The following TEX9 variants were observed in gnomAD, a reference collection of about 807,000 sequenced individuals.
TEX9 encodes the protein testis-expressed protein 9.
In TEX9, 74 loss-of-function variants were observed where a neutral mutation model predicts 59.6. The observed-to-expected ratio is 1.24, with a 90% confidence interval of 1.03 to 1.51. The LOEUF is 1.51. Ranked by LOEUF, TEX9 falls within the 40% of genes most tolerant of loss-of-function variation. The probability of loss-of-function intolerance (pLI) is 0.00; values close to 1 mark genes in which losing one functional copy is unlikely to be tolerated. For synonymous variants in TEX9, 186 were observed against 152.2 expected (o/e 1.22, Z -1.64); for missense variants, 522 against 447.8 (o/e 1.17, Z -1.49).
intron 1 of TEX9, among the ~76,000 whole-genome samples, chr15:56,278,311 G>A (rs1272470886): frequency 2.6e-5 from 4 of 152,208 alleles, no homozygotes; most frequent in South Asian, 2.1e-4. Context: ...AGGAGATGAT[G>A]TATATTCCAC....
chr15:56,279,880 T>C (rs1317029799), intron 1 of TEX9, among the ~76,000 whole-genome samples: 1 of 152,196 alleles, frequency 6.6e-6, no homozygotes, highest in Non-Finnish European at 1.5e-5. Context: ...CAACTTACAA[T>C]GCTTTGACTT....
chr15:56,455,247 G>A, the TEX9 span, among the ~76,000 whole-genome samples: 1 of 82,894 alleles, frequency 1.2e-5, no homozygotes, highest in African/African-American at 4.8e-5. Flanking sequence ...ATCGTCAGGT[G>A]AAAAAAAAAA....
chr15:56,364,518 A>C (rs1288023048), upstream of TEX9, among the ~76,000 whole-genome samples: 1 of 151,494 alleles, frequency 6.6e-6, no homozygotes, highest in Non-Finnish European at 1.5e-5. Context: ...GAATCCATCA[A>C]GGATTCTCAG....
intron 9 of TEX9, among the ~76,000 whole-genome samples, chr15:56,401,308 C>CAAAAAAAAAAAAAAAAAAAAAAAAAA (rs1207055803): frequency 2.1e-5 from 1 of 46,772 alleles, no homozygotes; most frequent in East Asian, 1.1e-3. Context: ...AAATTGAAAG[C>CAAAAAAAAAAAAAAAAAAAAAAAAAA]AAAAAAAAAA....
At chr15:56,444,682 A>G in intron 12 of TEX9, 2 of 1,602,996 alleles carry the variant, frequency 1.2e-6, no homozygotes, top group South Asian at 2.2e-5. Context: ...TTCTGTTATT[A>G]AAACAAAATT....
intron 1 of TEX9, among the ~76,000 whole-genome samples, chr15:56,250,500 G>A (rs1320253255): frequency 2.6e-5 from 4 of 152,208 alleles, no homozygotes; most frequent in African/African-American, 9.7e-5. Flanking sequence ...AACAGCTGAT[G>A]ATAAAGGTTA....
chr15:56,358,841 T>A (rs1174797144), intron 1 of TEX9, among the ~76,000 whole-genome samples: 2 of 152,076 alleles, frequency 1.3e-5, no homozygotes, highest in African/African-American at 4.8e-5. Flanking sequence ...TCTCATGAGA[T>A]CTGATGGTTT....
intron 1 of TEX9, among the ~76,000 whole-genome samples, chr15:56,320,403 A>G (rs1219561342): frequency 6.6e-6 from 1 of 152,158 alleles, no homozygotes; most frequent in Non-Finnish European, 1.5e-5. Context: ...GTTTCTGGTA[A>G]GGGCTCTCTT....
chr15:56,265,170 T>C (rs1408980880), intron 1 of TEX9, among the ~76,000 whole-genome samples: 2 of 151,152 alleles, frequency 1.3e-5, no homozygotes, highest in Non-Finnish European at 3.0e-5. Context: ...TTTCTTTTTT[T>C]TTTTTTTTTA....
At chr15:56,308,847 C>G (rs1344965700) in intron 1 of TEX9, among the ~76,000 whole-genome samples, 2 of 152,108 alleles carry the variant, frequency 1.3e-5, no homozygotes, top group Non-Finnish European at 2.9e-5. Context: ...TGCTGAAAAT[C>G]AATTGACCAT....
At chr15:56,388,672 C>T in intron 5 of TEX9, 152 bp downstream of exon 5, 1 of 555,040 alleles carries the variant, frequency 1.8e-6, no homozygotes, top group Non-Finnish European at 3.2e-6. Context: ...GTGAAGTGTC[C>T]CTCATAAACT....
intron 3 of TEX9, among the ~76,000 whole-genome samples, chr15:56,375,805 A>G (rs528125803): frequency 6.6e-6 from 1 of 151,400 alleles, no homozygotes; most frequent in African/African-American, 2.4e-5. Context: ...ACAATAGCAA[A>G]GACTTGGAAC....
intron 9 of TEX9, among the ~76,000 whole-genome samples, chr15:56,406,977 A>C (rs984481160): frequency 1.3e-5 from 2 of 152,068 alleles, no homozygotes; most frequent in Non-Finnish European, 2.9e-5. Context: ...CCAAAATATT[A>C]CTTTCTTGTG....
intron 1 of TEX9, among the ~76,000 whole-genome samples, chr15:56,357,735 A>G (rs1486914388): frequency 5.3e-5 from 8 of 152,088 alleles, no homozygotes; most frequent in Admixed American, 2.0e-4. Context: ...TAATATCTGC[A>G]AGCTTCATTT....
chr15:56,265,331 T>C (rs565472870), intron 1 of TEX9, among the ~76,000 whole-genome samples: 22 of 150,644 alleles, frequency 1.5e-4, no homozygotes, highest in African/African-American at 4.6e-4. Context: ...CAGGCCCAGC[T>C]TTTTTTTTAT....
At chr15:56,267,620 C>A (rs2044418342) in intron 1 of TEX9, among the ~76,000 whole-genome samples, 1 of 152,076 alleles carries the variant, frequency 6.6e-6, no homozygotes, top group Admixed American at 6.5e-5. Context: ...TCAGGTTTGT[C>A]AAAGTTCAGA....
At chr15:56,281,853 G>A (rs2682071) in intron 1 of TEX9, among the ~76,000 whole-genome samples, 52,624 of 151,720 alleles carry the variant, frequency 0.35, 10,450 homozygotes, top group Non-Finnish European at 0.45. Context: ...TCCGCAGTTT[G>A]AGGCACTTGA....
chr15:56,443,445 A>G (rs1193762197), intron 12 of TEX9: 1 of 1,582,252 alleles, frequency 6.3e-7, no homozygotes, highest in African/African-American at 1.4e-5. Flanking sequence ...GCTTGCTCTT[A>G]TATATTTCAG....
Position 56,376,394 on chromosome 15 carries a change from C to G in TEX9, c.183+2890C>G, listed in dbSNP as rs115553906. ...AACAGTGTACTAGGGTTCCCTTTCT[C>G]TACATCCTTACCAGCATTTGTTATT... is the stretch of plus-strand genomic sequence containing the variant. On this transcript the variant is annotated intron_variant, in intron 3 of 12. Coordinates refer to ENST00000352903, the Ensembl canonical transcript of TEX9. Among the ~76,000 whole-genome samples the G allele has an allele frequency of 8.7e-3, 1,321 of 152,206 alleles. 23 individuals are homozygous for G. The highest frequency in any genetic ancestry group is 0.03 in the African/African-American group (1,246 of 41,522).
Sources: allele counts gnomAD v4.1 joint callset (sites outside exome capture counted in the v4.1 genomes callset), GRCh38; gene constraint gnomAD v4.1.1; transcripts MANE v1.5; gene names NCBI Gene and HGNC (gene_info 2026-07-23, HGNC 2026-07-21).